Variants in CBFA2T2 observed in about 807,000 individuals in gnomAD.
The protein encoded by CBFA2T2 is CBFA2/RUNX1 partner transcriptional co-repressor 2, also known as protein CBFA2T2.
A neutral mutation model predicts 62.2 loss-of-function variants in CBFA2T2; 11 were observed. The observed-to-expected ratio is 0.18, with a 90% CI of 0.11 to 0.29. The LOEUF (loss-of-function observed/expected upper bound fraction) is 0.29, where lower values mean the gene tolerates loss of function less well. CBFA2T2 is among the 10% of genes least tolerant of loss of function. CBFA2T2 has a pLI of 1.00. For synonymous variants in CBFA2T2, 295 were observed against 287.5 expected, an observed-to-expected ratio of 1.03 and a Z score of -0.27; for missense variants, 592 against 774.1, an observed-to-expected ratio of 0.76 and a Z score of 2.79.
chr20:33,547,687 A>AGTGTGTGTG (rs2012617260), intron 1 of CBFA2T2, among the ~76,000 whole-genome samples: 1 of 139,072 alleles, frequency 7.2e-6, no homozygotes, highest in Non-Finnish European at 1.5e-5. Context: ...TCTCAAAAAA[A>AGTGTGTGTG]TGTGTGTGTG....
At chr20:33,570,839 G>A (rs889508737) in intron 1 of CBFA2T2, among the ~76,000 whole-genome samples, 15 of 152,232 alleles carry the variant, frequency 9.9e-5, no homozygotes, top group Middle Eastern at 3.4e-3. Context: ...TAGGGCTAAT[G>A]CCACAATGAA....
intron 1 of CBFA2T2, among the ~76,000 whole-genome samples, chr20:33,535,836 C>T (rs1297167626): frequency 6.6e-6 from 1 of 151,870 alleles, no homozygotes; most frequent in Non-Finnish European, 1.5e-5. Context: ...GTGTTTGTGT[C>T]CCTGGGTACT....
chr20:33,637,464 A>G (rs1470821941), intron 9 of CBFA2T2, among the ~76,000 whole-genome samples: 3 of 152,242 alleles, frequency 2.0e-5, no homozygotes, highest in African/African-American at 7.2e-5. Context: ...GAGAAATACA[A>G]ATAAACATAT....
chr20:33,623,064 A>C (rs777412658), intron 4 of CBFA2T2, 51 bp from the exon 5 acceptor site: 8 of 1,586,110 alleles, frequency 5.0e-6, no homozygotes, highest in East Asian at 4.5e-5. Context: ...TGAGGTGCTG[A>C]GCCTTCTTGT....
chr20:33,512,068 G>T (rs8121808), intron 1 of CBFA2T2, among the ~76,000 whole-genome samples: 5 of 152,084 alleles, frequency 3.3e-5, no homozygotes, highest in Non-Finnish European at 7.4e-5. Flanking sequence ...GCCCAGCTAC[G>T]TGGGAGGCTG....
intron 1 of CBFA2T2, among the ~76,000 whole-genome samples, chr20:33,530,419 CATT>C (rs2012023802): frequency 6.6e-6 from 1 of 151,936 alleles, no homozygotes; most frequent in African/African-American, 2.4e-5. Flanking sequence ...GTCTGATGCC[CATT>C]GTTTGTTTTT....
chr20:33,598,873 G>A (rs1189748855), intron 1 of CBFA2T2, among the ~76,000 whole-genome samples: 4 of 152,184 alleles, frequency 2.6e-5, no homozygotes, highest in African/African-American at 4.8e-5. Flanking sequence ...CGGTCCCTCC[G>A]TTTGGGGTCC....
At chr20:33,594,529 A>T (rs1186993420) in intron 1 of CBFA2T2, among the ~76,000 whole-genome samples, 1 of 151,910 alleles carries the variant, frequency 6.6e-6, no homozygotes, top group African/African-American at 2.4e-5. Context: ...CTACTGCTAG[A>T]TTTCCTCTAG....
At position 33,582,618 on chromosome 20, in the gene CBFA2T2, C is replaced by T. The variant is rs2014170496; in HGVS notation, c.35-24338C>T. Among the ~76,000 whole-genome samples the T allele has an allele frequency of 2.0e-5, 3 of 152,108 alleles. No individual in the cohort carries two copies. In the South Asian group the frequency reaches 6.2e-4, roughly 32 times the overall value. On this transcript the variant is annotated intron_variant, in intron 1 of 10. Coordinates refer to ENST00000342704, the MANE Select transcript of CBFA2T2 (RefSeq NM_001032999.3). ...GGAAGATCACTTGAGGCCAGGAGTT[C>T]AAGACCAGCTTGGCCAGCATGGCAA...
chr20:33,529,193 T>C (rs2011973751), intron 1 of CBFA2T2, among the ~76,000 whole-genome samples: 1 of 151,908 alleles, frequency 6.6e-6, no homozygotes, highest in African/African-American at 2.4e-5. Context: ...GCCCGGCTAA[T>C]TTTTTGTATT....
chr20:33,563,067 ACG>A (rs2013148756), intron 1 of CBFA2T2, among the ~76,000 whole-genome samples: 1 of 152,164 alleles, frequency 6.6e-6, no homozygotes, highest in Admixed American at 6.5e-5. Flanking sequence ...GGCTCATAAA[ACG>A]CTCTTTTCTA....
At chr20:33,612,121 G>A (rs2015553431) in intron 3 of CBFA2T2, among the ~76,000 whole-genome samples, 2 of 152,176 alleles carry the variant, frequency 1.3e-5, no homozygotes, top group Admixed American at 1.3e-4. Flanking sequence ...GCATTGTTCA[G>A]CTCCTCGTGC....
intron 3 of CBFA2T2, among the ~76,000 whole-genome samples, chr20:33,613,188 G>A (rs1022859871): frequency 1.3e-5 from 2 of 152,224 alleles, no homozygotes; most frequent in African/African-American, 4.8e-5. Context: ...TGTTACGTAT[G>A]ACTGTAGGTT....
chr20:33,549,861 C>CTTTT (rs368043905), intron 1 of CBFA2T2, among the ~76,000 whole-genome samples: 4 of 124,248 alleles, frequency 3.2e-5, no homozygotes, highest in African/African-American at 3.0e-5. Context: ...ATGGCTGCTG[C>CTTTT]TTTTTTTTTT....
At chr20:33,559,708 G>C (rs2013026151) in intron 1 of CBFA2T2, among the ~76,000 whole-genome samples, 1 of 152,018 alleles carries the variant, frequency 6.6e-6, no homozygotes, top group African/African-American at 2.4e-5. Context: ...GGATGGTCTT[G>C]ATCTCCTGAC....
rs1168128260 is a variant in CBFA2T2 at position 33,527,702 on chromosome 20, CT to C, written c.34+37411del. ...GTCTTATTGTTTTTTCTTTTCTTTT[CT>C]TTTTTTTTTGTTGTATTTTTAGTAG... On this transcript the variant is annotated intron_variant, in intron 1 of 10. Transcript: ENST00000342704. 1.4e-4 allele frequency among the ~76,000 whole-genome samples: 20 copies of C among 146,338 alleles called. No homozygotes were observed. In the South Asian group the frequency reaches 2.0e-3, roughly 14 times the overall value.
intron 1 of CBFA2T2, among the ~76,000 whole-genome samples, chr20:33,522,257 T>C (rs1259914720): frequency 6.7e-6 from 1 of 148,338 alleles, no homozygotes; most frequent in Admixed American, 8.0e-5. Flanking sequence ...CTTGGAGAAT[T>C]GGGTTAAAAT....
At chr20:33,541,086 C>G (rs1273665138) in intron 1 of CBFA2T2, among the ~76,000 whole-genome samples, 1 of 152,178 alleles carries the variant, frequency 6.6e-6, no homozygotes, top group African/African-American at 2.4e-5. Context: ...AATCTGGTTT[C>G]TGGAACCAGT....
At chr20:33,632,130 A>G (rs1280434648) in intron 8 of CBFA2T2, among the ~76,000 whole-genome samples, 1 of 151,494 alleles carries the variant, frequency 6.6e-6, no homozygotes, top group East Asian at 1.9e-4. Context: ...GCTCATTGCA[A>G]CCTCCTGGGT....
Sources: gnomAD v4.1 joint callset for allele counts (sites outside exome capture counted in the v4.1 genomes callset) on GRCh38, gnomAD v4.1.1 for gene constraint, MANE v1.5 for transcripts, NCBI Gene and HGNC (gene_info 2026-07-23, HGNC 2026-07-21) for gene names.